The following SEC23IP variants were observed in gnomAD, a reference collection of about 807,000 sequenced individuals.
The protein encoded by SEC23IP is SEC23-interacting protein.
Under a neutral mutation model 113.4 loss-of-function variants are expected in SEC23IP, and 70 were observed. The ratio of observed to expected loss-of-function variants is 0.62; its 90% CI spans 0.51 to 0.75. SEC23IP has a LOEUF of 0.75. Among genes scored for constraint, SEC23IP ranks in the 30% least tolerant of loss-of-function variants. SEC23IP has a pLI of 0.00. For missense variants in SEC23IP, 1,160 were observed against 1,204.9 expected (o/e 0.96, Z 0.55); for synonymous variants, 398 against 421.0 (o/e 0.95, Z 0.67).
Position 119,942,259 on chromosome 10 carries a change from A to C in SEC23IP, c.*1694A>C, listed in dbSNP as rs1855986042. ...TGAGTGGCAGCAGTCTTGCCCTTTCATTTTAATACTTGAGTACACAGAAAA... is the reference window on the plus strand; with the variant it reads ...TGAGTGGCAGCAGTCTTGCCCTTTCCTTTTAATACTTGAGTACACAGAAAA... On this transcript the variant is annotated 3_prime_UTR_variant, in exon 19 of 19. Transcript: ENST00000369075. 1 of 152,124 alleles carries C rather than the reference A, an allele frequency of 6.6e-6. No homozygotes were observed. The highest frequency in any genetic ancestry group is 1.5e-5 in the Non-Finnish European group (1 of 68,034). 9.4% of individuals were successfully genotyped at this position (152,124 alleles called of 1,614,324 possible).
chr10:119,937,856 G>A (rs1027970558), intron 18 of SEC23IP, among the ~76,000 whole-genome samples: 1 of 151,872 alleles, frequency 6.6e-6, no homozygotes, highest in Non-Finnish European at 1.5e-5. Flanking sequence ...TTTATCATAT[G>A]CCAAATATTT....
At chr10:119,924,705 G>A (rs1274907639) in intron 12 of SEC23IP, among the ~76,000 whole-genome samples, 1 of 152,024 alleles carries the variant, frequency 6.6e-6, no homozygotes, top group Admixed American at 6.6e-5. Context: ...CAGCCACTGG[G>A]CCCAGCTGAG....
At chr10:119,919,925 G>C (rs1169950943) in intron 11 of SEC23IP, among the ~76,000 whole-genome samples, 1 of 152,120 alleles carries the variant, frequency 6.6e-6, no homozygotes, top group Admixed American at 6.6e-5. Flanking sequence ...ATCAGTTACA[G>C]AAAGACCATC....
intron 1 of SEC23IP, among the ~76,000 whole-genome samples, chr10:119,896,672 C>G (rs1289304815): frequency 6.6e-6 from 1 of 151,936 alleles, no homozygotes; most frequent in Admixed American, 6.6e-5. Context: ...GTGAGGGTAG[C>G]AGTATATGGA....
chr10:119,931,450 T>G (rs1366804314), intron 15 of SEC23IP, among the ~76,000 whole-genome samples: 2 of 151,576 alleles, frequency 1.3e-5, no homozygotes, highest in Non-Finnish European at 2.9e-5. Context: ...TTCTCTCTTC[T>G]TGACCTCCCA....
chr10:119,911,968 A>G lies in SEC23IP; in HGVS notation c.1192-76A>G, dbSNP rs1421837592. ...TCCGTACTCTGAGGTATAGCTTATTATGTGTTAAACTACTTAGCCTGTAGT... is the reference window on the plus strand; with the variant it reads ...TCCGTACTCTGAGGTATAGCTTATTGTGTGTTAAACTACTTAGCCTGTAGT... On this transcript the variant is annotated intron_variant, in intron 5 of 18. Coordinates refer to ENST00000369075, the MANE Select transcript of SEC23IP (RefSeq NM_007190.4). 3.2e-6 allele frequency: 5 copies of G among 1,539,850 alleles called. No individual in the cohort carries two copies. In the Admixed American group the frequency reaches 7.0e-5, roughly 22 times the overall value.
chr10:119,937,175 A>G (rs1381154304), intron 18 of SEC23IP, among the ~76,000 whole-genome samples: 4 of 150,960 alleles, frequency 2.6e-5, no homozygotes, highest in Admixed American at 2.0e-4. Context: ...GTGCCCGGCC[A>G]GGGTCCTTTT....
Position 119,895,804 on chromosome 10 carries a change from C to T in SEC23IP, c.164-2623C>T, listed in dbSNP as rs1248273995. On this transcript the variant is annotated intron_variant, in intron 1 of 18. Coordinates refer to ENST00000369075, the MANE Select transcript of SEC23IP (RefSeq NM_007190.4). The stretch of plus-strand genomic sequence containing the variant: ...TGGAGCTCATCCCTCTCTCCTGTCC[C>T]TTCACCTTTGTCTCCTCTCCCCTGT... Among the ~76,000 whole-genome samples the T allele has an allele frequency of 2.6e-5, 4 of 151,264 alleles. No individual in the cohort carries two copies. In the East Asian group the frequency reaches 8.1e-4, roughly 30 times the overall value.
intron 1 of SEC23IP, among the ~76,000 whole-genome samples, chr10:119,897,761 G>C (rs554860414): frequency 1.3e-5 from 2 of 152,282 alleles, no homozygotes; most frequent in East Asian, 3.9e-4. Context: ...ACTTTGGGAG[G>C]CCAAGGCAGG....
rs1287827116 is a variant in SEC23IP at position 119,912,042 on chromosome 10, A to C, written c.1192-2A>C. Reference sequence around the variant, plus strand: ...TTGTCATAATTCTGTTGCATCTTGAAGGTTATTGTTCAGTTCCAGCCCTCC... The same window carrying C: ...TTGTCATAATTCTGTTGCATCTTGACGGTTATTGTTCAGTTCCAGCCCTCC... On this transcript the variant is annotated splice_acceptor_variant, in intron 5 of 18. Coordinates refer to ENST00000369075, the MANE Select transcript of SEC23IP (RefSeq NM_007190.4). LOFTEE classifies it high-confidence loss of function. The C allele has an allele frequency of 6.2e-7, 1 of 1,613,654 alleles. No individual in the cohort carries two copies. The highest frequency in any genetic ancestry group is 8.5e-7 in the Non-Finnish European group (1 of 1,179,850).
At position 119,915,854 on chromosome 10, in the gene SEC23IP, T is replaced by C. The variant is rs573794590; in HGVS notation, c.1509T>C (p.His503=). The change falls in exon 8 of 19, where the codon CAT becomes CAC. Residue 503 remains histidine, a synonymous_variant. Coordinates refer to ENST00000369075, the MANE Select transcript of SEC23IP (RefSeq NM_007190.4). ...TGGAGTTCCTTCCAGTTCATTGGCATAGTTCTTTGGGTGGGGACGCCACAG... is the reference window on the plus strand; with the variant it reads ...TGGAGTTCCTTCCAGTTCATTGGCACAGTTCTTTGGGTGGGGACGCCACAG... The part of the protein sequence containing the change: ...SRVEFLPVHW[H]SSLGGDATGV... 16 of 1,591,062 alleles carry C rather than the reference T, an allele frequency of 1.0e-5. No individual in the cohort carries two copies. The highest frequency in any genetic ancestry group is 1.4e-5 in the Non-Finnish European group (16 of 1,167,574).
intron 7 of SEC23IP, among the ~76,000 whole-genome samples, 177 bp downstream of exon 7, chr10:119,914,996 A>T (rs536514726): frequency 6.6e-6 from 1 of 152,328 alleles, no homozygotes; most frequent in South Asian, 2.1e-4. Flanking sequence ...CTTGTGACAT[A>T]TGTGACGCAT....
rs1448027044 is a variant in SEC23IP at position 119,932,114 on chromosome 10, G to A, written c.2573-19G>A. The A allele has an allele frequency of 5.8e-6, 9 of 1,553,210 alleles. No individual in the cohort carries two copies. The African/African-American group carries it at 1.1e-4, about 19-fold the overall frequency. The stretch of plus-strand genomic sequence containing the variant: ...ACCCAGTGACTAATTAACTTGTTGT[G>A]TCATCTTAATCTCTTTAGAATTGAA... On this transcript the variant is annotated intron_variant, in intron 15 of 18. Coordinates refer to ENST00000369075, the MANE Select transcript of SEC23IP (RefSeq NM_007190.4).
intron 12 of SEC23IP, among the ~76,000 whole-genome samples, chr10:119,923,670 T>C (rs1205828209): frequency 6.6e-6 from 1 of 151,406 alleles, no homozygotes; most frequent in African/African-American, 2.4e-5. Context: ...TGCTTCAGCC[T>C]CCCAACTAGC....
In SEC23IP at chr10:119,898,682, C is replaced by G. The variant is rs1485132390; in HGVS notation, c.419C>G (p.Ala140Gly). 6.2e-7 allele frequency: 1 copy of G among 1,614,230 alleles called. No individual in the cohort carries two copies. Among genetic ancestry groups the G allele is most frequent in the East Asian group, 2.2e-5 (1 of 44,890 alleles). Reference sequence around the variant, plus strand: ...GCATTTTCACCATCCATTTCGAAGGCTCAACCTGGTGCTCCACCTTCCTCA... The same window carrying G: ...GCATTTTCACCATCCATTTCGAAGGGTCAACCTGGTGCTCCACCTTCCTCA... The part of the protein sequence containing the change: ...SNAFSPSISK[A>G]QPGAPPSSLM... Residue 140 changes from alanine to glycine, a missense_variant, in exon 2 of 19, where the codon GCT becomes GGT. Physicochemically the swap from Ala to Gly is moderately conservative, Grantham distance 60. Transcript: ENST00000369075.
intron 18 of SEC23IP, among the ~76,000 whole-genome samples, chr10:119,935,071 A>G (rs181393319): frequency 6.6e-6 from 1 of 151,902 alleles, no homozygotes; most frequent in African/African-American, 2.4e-5. Context: ...CTCATCCCCA[A>G]CCTCCCTGCC....
At chr10:119,904,471 T>C (rs1854599781) in intron 4 of SEC23IP, 194 bp downstream of exon 4, 1 of 571,100 alleles carries the variant, frequency 1.8e-6, no homozygotes. Flanking sequence ...TGTCTAAAGA[T>C]AGAATATGAT....
chr10:119,923,317 A>G (rs936563055), intron 12 of SEC23IP, among the ~76,000 whole-genome samples: 1 of 152,064 alleles, frequency 6.6e-6, no homozygotes, highest in African/African-American at 2.4e-5. Context: ...TCTTACAGAT[A>G]ACAAGGTGCT....
intron 15 of SEC23IP, among the ~76,000 whole-genome samples, chr10:119,931,212 G>A (rs758200109): frequency 2.7e-5 from 4 of 147,982 alleles, no homozygotes; most frequent in East Asian, 2.0e-4. Context: ...CCTGGGAGGC[G>A]AAGGTGGCAG....
Sources: gnomAD v4.1 joint callset for allele counts (sites outside exome capture counted in the v4.1 genomes callset) on GRCh38, gnomAD v4.1.1 for gene constraint, MANE v1.5 for transcripts, NCBI Gene and HGNC (gene_info 2026-07-23, HGNC 2026-07-21) for gene names.